The following PPP1R9A variants were observed in gnomAD, a reference collection of about 807,000 sequenced individuals.
The protein encoded by PPP1R9A is protein phosphatase 1 regulatory subunit 9A.
Under a neutral mutation model 141.9 loss-of-function variants are expected in PPP1R9A, and 59 were observed. That is an observed-to-expected ratio of 0.42 (90% CI 0.34 to 0.52). The LOEUF is 0.52. Among genes scored for constraint, PPP1R9A ranks in the 20% least tolerant of loss-of-function variants. The pLI is 0.10. For missense variants in PPP1R9A, 1,444 were observed against 1,611.9 expected (o/e 0.90, Z 1.78); for synonymous variants, 500 against 569.7 (o/e 0.88, Z 1.74).
intron 2 of PPP1R9A, among the ~76,000 whole-genome samples, chr7:94,951,752 C>T (rs929087962): frequency 6.6e-6 from 1 of 151,764 alleles, no homozygotes; most frequent in Non-Finnish European, 1.5e-5. Flanking sequence ...AATGTTTTCA[C>T]CTCTTAGGTT....
At chr7:95,084,589 G>A (rs1816350982) in intron 2 of PPP1R9A, among the ~76,000 whole-genome samples, 1 of 151,834 alleles carries the variant, frequency 6.6e-6, no homozygotes, top group Non-Finnish European at 1.5e-5. Context: ...GCCCTTCCCA[G>A]AAGTAATCAC....
intron 2 of PPP1R9A, among the ~76,000 whole-genome samples, chr7:94,942,576 G>A (rs1020259969): frequency 2.6e-5 from 4 of 152,120 alleles, no homozygotes; most frequent in African/African-American, 9.7e-5. Context: ...GCTGAGGCGG[G>A]TGGATCACCT....
chr7:95,231,951 G>C (rs1461515030), intron 8 of PPP1R9A, among the ~76,000 whole-genome samples: 1 of 152,038 alleles, frequency 6.6e-6, no homozygotes, highest in Admixed American at 6.6e-5. Flanking sequence ...GAAATAAAAA[G>C]CTGGTTCTTT....
intron 2 of PPP1R9A, among the ~76,000 whole-genome samples, chr7:95,031,229 A>G (rs993612145): frequency 4.6e-5 from 7 of 152,226 alleles, no homozygotes; most frequent in Admixed American, 1.3e-4. Flanking sequence ...ATAACTTAAT[A>G]TAACATTTAA....
chr7:94,926,191 C>T (rs1793461958), intron 2 of PPP1R9A, among the ~76,000 whole-genome samples: 3 of 152,138 alleles, frequency 2.0e-5, no homozygotes, highest in African/African-American at 7.2e-5. Context: ...TTAGCAGTTA[C>T]AAATGAAAGC....
chr7:94,943,174 A>C (rs1259319381), intron 2 of PPP1R9A, among the ~76,000 whole-genome samples: 1 of 152,202 alleles, frequency 6.6e-6, no homozygotes, highest in South Asian at 2.1e-4. Flanking sequence ...TGATTAAAAT[A>C]ATTTCATAAG....
chr7:94,988,988 T>C (rs1256714992), intron 2 of PPP1R9A, among the ~76,000 whole-genome samples: 1 of 152,046 alleles, frequency 6.6e-6, no homozygotes, highest in African/African-American at 2.4e-5. Flanking sequence ...ACAATCAAAA[T>C]AGTTAACTCT....
intron 12 of PPP1R9A, among the ~76,000 whole-genome samples, chr7:95,253,474 A>G (rs991798769): frequency 2.0e-5 from 3 of 152,238 alleles, no homozygotes; most frequent in African/African-American, 7.2e-5. Flanking sequence ...CTGGGTTTAT[A>G]TCCTTCTAAT....
At chr7:95,237,273 G>A (rs1272857335) in intron 8 of PPP1R9A, among the ~76,000 whole-genome samples, 3 of 149,454 alleles carry the variant, frequency 2.0e-5, no homozygotes, top group African/African-American at 4.9e-5. Context: ...TCAGTTCACT[G>A]CAACCTCTGC....
At chr7:95,027,638 A>G (rs1290779272) in intron 2 of PPP1R9A, among the ~76,000 whole-genome samples, 1 of 152,210 alleles carries the variant, frequency 6.6e-6, no homozygotes, top group African/African-American at 2.4e-5. Context: ...GTTGTTGTGC[A>G]AACATCATGG....
intron 4 of PPP1R9A, among the ~76,000 whole-genome samples, chr7:95,142,865 A>G (rs1826951698): frequency 6.6e-6 from 1 of 152,006 alleles, no homozygotes; most frequent in South Asian, 2.1e-4. Context: ...TGTCTTCAGT[A>G]TGCATTTTGT....
rs569303014 is a variant in PPP1R9A at position 95,222,371 on chromosome 7, G to A, written c.1957-3590G>A. On this transcript the variant is annotated intron_variant, in intron 7 of 19. Coordinates refer to ENST00000433360, the MANE Select transcript of PPP1R9A (RefSeq NM_001166160.2). ...CAACAACTTAATTAATTGACCTTAG[G>A]TATGGTCTCTGAGTCTCAGTTTCCT... 2.0e-4 allele frequency among the ~76,000 whole-genome samples: 30 copies of A among 152,084 alleles called. No individual in the cohort carries two copies. In the South Asian group the frequency reaches 5.8e-3, roughly 29 times the overall value.
intron 2 of PPP1R9A, among the ~76,000 whole-genome samples, chr7:94,942,803 C>CAATA (rs142643808): frequency 0.018 from 2,530 of 137,356 alleles, 30 homozygotes; most frequent in Middle Eastern, 0.026. Context: ...GACTGTCTCT[C>CAATA]AATAAATAAA....
chr7:95,071,864 AG>A (rs1813861171), intron 2 of PPP1R9A, among the ~76,000 whole-genome samples: 1 of 151,934 alleles, frequency 6.6e-6, no homozygotes, highest in Non-Finnish European at 1.5e-5. Flanking sequence ...TTGGATTTCC[AG>A]GCTATTTCCC....
intron 8 of PPP1R9A, among the ~76,000 whole-genome samples, chr7:95,239,119 T>C (rs541247755): frequency 2.6e-5 from 4 of 152,278 alleles, no homozygotes; most frequent in African/African-American, 7.2e-5. Flanking sequence ...TGACACGATG[T>C]GTTTTAGACC....
At chr7:95,209,914 G>C (rs1791717949) in intron 7 of PPP1R9A, among the ~76,000 whole-genome samples, 1 of 152,124 alleles carries the variant, frequency 6.6e-6, no homozygotes, top group Non-Finnish European at 1.5e-5. Flanking sequence ...AAATCTCTTA[G>C]TTTCTTCCCA....
At chr7:95,052,427 T>G (rs950089811) in intron 2 of PPP1R9A, among the ~76,000 whole-genome samples, 1 of 152,070 alleles carries the variant, frequency 6.6e-6, no homozygotes, top group South Asian at 2.1e-4. Context: ...ATCTAATGGT[T>G]GAAAAGGAGG....
intron 7 of PPP1R9A, among the ~76,000 whole-genome samples, chr7:95,217,891 A>G (rs1319962248): frequency 2.0e-5 from 3 of 152,134 alleles, no homozygotes; most frequent in Non-Finnish European, 2.9e-5. Context: ...CTATCAGTCT[A>G]TCAATTTTGT....
intron 2 of PPP1R9A, among the ~76,000 whole-genome samples, chr7:95,037,950 T>TTA (rs1554476832): frequency 7.1e-6 from 1 of 140,080 alleles, no homozygotes; most frequent in Non-Finnish European, 1.5e-5. Flanking sequence ...CAAAATAATT[T>TTA]AAAAAAAAAA....
Sources: gnomAD v4.1 joint callset for allele counts (sites outside exome capture counted in the v4.1 genomes callset) on GRCh38, gnomAD v4.1.1 for gene constraint, MANE v1.5 for transcripts, NCBI Gene and HGNC (gene_info 2026-07-23, HGNC 2026-07-21) for gene names.